HSF2BP: variants seen among roughly 807,000 people sequenced by gnomAD.
The protein encoded by HSF2BP is heat shock factor 2-binding protein.
In HSF2BP, 35 loss-of-function variants were observed where a neutral mutation model predicts 35.0. The observed-to-expected ratio is 1.00, with a 90% confidence interval of 0.76 to 1.32. The LOEUF (loss-of-function observed/expected upper bound fraction) is 1.32, where lower values mean the gene tolerates loss of function less well. HSF2BP is among the 40% of genes most tolerant of loss of function. HSF2BP has a pLI of 0.00. For missense variants in HSF2BP, 326 were observed against 321.7 expected, an observed-to-expected ratio of 1.01 and a Z score of -0.10; for synonymous variants, 114 against 117.4, an observed-to-expected ratio of 0.97 and a Z score of 0.18.
chr21:43,612,060 T>C (rs151314403), intron 7 of HSF2BP, among the ~76,000 whole-genome samples: 10 of 152,206 alleles, frequency 6.6e-5, no homozygotes, highest in African/African-American at 2.2e-4. Flanking sequence ...GCAGTTCCAA[T>C]AGCACTGTAA....
At chr21:43,585,143 CA>C (rs1201374860) in intron 8 of HSF2BP, among the ~76,000 whole-genome samples, 4 of 151,684 alleles carry the variant, frequency 2.6e-5, no homozygotes, top group African/African-American at 9.7e-5. Context: ...CTCATCTCTA[CA>C]AAAAAATGTT....
chr21:43,590,195 A>T (rs979644791), intron 8 of HSF2BP, among the ~76,000 whole-genome samples: 5 of 152,238 alleles, frequency 3.3e-5, no homozygotes, highest in African/African-American at 9.6e-5. Flanking sequence ...CAATTTTTTT[A>T]AAATAAACAA....
chr21:43,582,564 C>A (rs559086408), intron 8 of HSF2BP, among the ~76,000 whole-genome samples: 3 of 79,448 alleles, frequency 3.8e-5, no homozygotes, highest in Non-Finnish European at 7.5e-5. Flanking sequence ...GAGATGAGGA[C>A]CTGCTGAGGG....
intron 6 of HSF2BP, among the ~76,000 whole-genome samples, chr21:43,629,112 A>G (rs1368273548): frequency 6.6e-6 from 1 of 152,250 alleles, no homozygotes; most frequent in Non-Finnish European, 1.5e-5. Context: ...TCTTCAGCTC[A>G]TATATCAAAA....
intron 6 of HSF2BP, among the ~76,000 whole-genome samples, chr21:43,628,529 G>A (rs376110040): frequency 6.6e-6 from 1 of 152,216 alleles, no homozygotes; most frequent in Non-Finnish European, 1.5e-5. Flanking sequence ...TGCTTCATGA[G>A]GTTTAAGGAA....
At chr21:43,592,190 G>T (rs777162499) in intron 8 of HSF2BP, 35 bp downstream of exon 8, 1 of 1,416,986 alleles carries the variant, frequency 7.1e-7, no homozygotes, top group Non-Finnish European at 1.0e-6. Context: ...TGCATAACCC[G>T]TACAAGCAGC....
At chr21:43,579,397 G>C (rs1048250037) in intron 8 of HSF2BP, among the ~76,000 whole-genome samples, 1 of 152,192 alleles carries the variant, frequency 6.6e-6, no homozygotes, top group Non-Finnish European at 1.5e-5. Context: ...TATTTTAGTA[G>C]CCTACTTTGA....
intron 7 of HSF2BP, among the ~76,000 whole-genome samples, chr21:43,608,800 C>CA (rs898789575): frequency 2.7e-3 from 383 of 143,132 alleles, no homozygotes; most frequent in Middle Eastern, 0.011. Flanking sequence ...CTATCGCTAC[C>CA]AAAAAAAAAA....
intron 7 of HSF2BP, among the ~76,000 whole-genome samples, chr21:43,600,364 A>G (rs1601644826): frequency 6.6e-6 from 1 of 152,238 alleles, no homozygotes; most frequent in East Asian, 1.9e-4. Context: ...GCTCAGAAAC[A>G]AGCCAATCAG....
chr21:43,647,765 C>T (rs567972713), intron 3 of HSF2BP, among the ~76,000 whole-genome samples: 1 of 151,940 alleles, frequency 6.6e-6, no homozygotes, highest in Admixed American at 6.6e-5. Flanking sequence ...CCCATCTCTA[C>T]TAAAAATACA....
chr21:43,573,028 G>A (rs1410998513), intron 8 of HSF2BP, among the ~76,000 whole-genome samples: 3 of 152,336 alleles, frequency 2.0e-5, no homozygotes, highest in South Asian at 2.1e-4. Flanking sequence ...TGGTCCTTAC[G>A]AGGCTCTAAG....
chr21:43,605,801 G>T (rs2044009388), intron 7 of HSF2BP, among the ~76,000 whole-genome samples: 1 of 149,538 alleles, frequency 6.7e-6, no homozygotes, highest in Admixed American at 6.6e-5. Context: ...CCATAAACAT[G>T]CCCCACACAA....
chr21:43,585,682 G>A (rs1019250363), intron 8 of HSF2BP, among the ~76,000 whole-genome samples: 3 of 151,824 alleles, frequency 2.0e-5, no homozygotes, highest in African/African-American at 7.3e-5. Flanking sequence ...AGTGCTAGCT[G>A]GTGATCAGAT....
chr21:43,611,558 G>C (rs373406042), intron 7 of HSF2BP, among the ~76,000 whole-genome samples: 1 of 152,158 alleles, frequency 6.6e-6, no homozygotes, highest in South Asian at 2.1e-4. Context: ...GCCTGGACTC[G>C]AGGGAGCTCC....
At chr21:43,606,858 G>A (rs1166120358) in intron 7 of HSF2BP, among the ~76,000 whole-genome samples, 1 of 152,058 alleles carries the variant, frequency 6.6e-6, no homozygotes, top group Non-Finnish European at 1.5e-5. Flanking sequence ...GCATGAGATT[G>A]GAAGAGAAAC....
chr21:43,574,444 A>G (rs960213653), intron 8 of HSF2BP, among the ~76,000 whole-genome samples: 4 of 147,780 alleles, frequency 2.7e-5, no homozygotes, highest in African/African-American at 1.0e-4. Flanking sequence ...CGCAAGCTCC[A>G]CCTCCCGGGT....
chr21:43,609,661 G>A (rs1487720409), intron 7 of HSF2BP, among the ~76,000 whole-genome samples: 1 of 152,082 alleles, frequency 6.6e-6, no homozygotes, highest in East Asian at 1.9e-4. Context: ...GGACTCAAGG[G>A]TGGGCGTTAG....
At chr21:43,644,796 A>G (rs558021613) in intron 3 of HSF2BP, among the ~76,000 whole-genome samples, 1 of 152,372 alleles carries the variant, frequency 6.6e-6, no homozygotes, top group African/African-American at 2.4e-5. Context: ...GCGCCAGCAC[A>G]GGCTGATTCA....
rs1457645000 is a variant in HSF2BP at position 43,658,100 on chromosome 21, C to T, written c.-4G>A. On this transcript the variant is annotated 5_prime_UTR_variant, in exon 2 of 9. Transcript: ENST00000291560. ...CAGCGGCGCCCGCTTCGCCCATGGCCGCTGCCGCCTCCGCTCCGTTCGCCT... is the reference window on the plus strand; with the variant it reads ...CAGCGGCGCCCGCTTCGCCCATGGCTGCTGCCGCCTCCGCTCCGTTCGCCT... The T allele has an allele frequency of 5.2e-6, 8 of 1,534,026 alleles. No homozygotes were observed. The highest frequency in any genetic ancestry group is 1.4e-5 in the African/African-American group (1 of 72,908).
Sources: allele counts gnomAD v4.1 joint callset (sites outside exome capture counted in the v4.1 genomes callset), GRCh38; gene constraint gnomAD v4.1.1; transcripts MANE v1.5; gene names NCBI Gene and HGNC (gene_info 2026-07-23, HGNC 2026-07-21).